Variants in TPRG1 observed in about 807,000 individuals in gnomAD.
TPRG1 encodes the protein tumor protein p63 regulated 1, also known as tumor protein p63-regulated gene 1 protein.
Under a neutral mutation model 29.3 loss-of-function variants are expected in TPRG1, and 29 were observed. The observed-to-expected ratio is 0.99, with a 90% confidence interval of 0.74 to 1.35. The LOEUF is 1.35. Ranked by LOEUF, TPRG1 falls within the 40% of genes most tolerant of loss-of-function variation. TPRG1 has a pLI of 0.00. For missense variants in TPRG1, 327 were observed against 335.0 expected, an observed-to-expected ratio of 0.98 and a Z score of 0.19; for synonymous variants, 130 against 116.8, an observed-to-expected ratio of 1.11 and a Z score of -0.73.
intron 4 of TPRG1, among the ~76,000 whole-genome samples, chr3:189,025,956 G>GT (rs1181955272): frequency 6.6e-6 from 1 of 152,118 alleles, no homozygotes; most frequent in Non-Finnish European, 1.5e-5. Context: ...ACTTTTTTCA[G>GT]TTTTTTAAAA....
At chr3:189,078,905 G>A (rs1717399796) in intron 4 of TPRG1, among the ~76,000 whole-genome samples, 1 of 152,156 alleles carries the variant, frequency 6.6e-6, no homozygotes, top group Admixed American at 6.5e-5. Flanking sequence ...TTTGGCATGG[G>A]TAGGTCACCA....
chr3:188,998,782 G>A (rs1357853976), intron 1 of TPRG1, among the ~76,000 whole-genome samples: 1 of 152,168 alleles, frequency 6.6e-6, no homozygotes, highest in Non-Finnish European at 1.5e-5. Flanking sequence ...TCTTATAGAA[G>A]TAGAGAGTGG....
rs11916138 is a variant in TPRG1, at chr3:189,279,033, C to T, written c.480-31353C>T. ...TGGTGGAGGTAGGCAAACTTTTTCTCTAAAGGACTAGATAGTAAATATCGT... is the reference window on the plus strand; with the variant it reads ...TGGTGGAGGTAGGCAAACTTTTTCTTTAAAGGACTAGATAGTAAATATCGT... On this transcript the variant is annotated intron_variant, in intron 4 of 5. Transcript: ENST00000345063. 3.4e-3 allele frequency among the ~76,000 whole-genome samples: 516 copies of T among 152,258 alleles called. 3 individuals carry two copies. Among genetic ancestry groups the T allele is most frequent in the African/African-American group, 0.012 (498 of 41,542 alleles).
At chr3:189,270,955 C>T (rs1715022902) in intron 4 of TPRG1, among the ~76,000 whole-genome samples, 1 of 152,132 alleles carries the variant, frequency 6.6e-6, no homozygotes, top group African/African-American at 2.4e-5. Flanking sequence ...TTTTTATGCT[C>T]ATGATACGTT....
chr3:189,286,405 G>T (rs1327988868), intron 4 of TPRG1, among the ~76,000 whole-genome samples: 5 of 152,082 alleles, frequency 3.3e-5, no homozygotes, highest in Non-Finnish European at 7.4e-5. Context: ...ATTTGGTTTT[G>T]TTCACTGATG....
Position 189,147,162 on chromosome 3 carries a change from A to G in TPRG1, c.-290-422A>G, listed in dbSNP as rs146544126. 2.9e-3 allele frequency among the ~76,000 whole-genome samples: 440 copies of G among 152,356 alleles called. 2 individuals carry two copies. The highest frequency in any genetic ancestry group is 9.2e-3 in the African/African-American group (384 of 41,576). ...AACCACTACACTATCTACAGAAGGA[A>G]GAGGAGGGAAGAGTTATCCAGTGAT... On this transcript the variant is annotated intron_variant, in intron 3 of 6. Transcript: ENST00000412373.
intron 3 of TPRG1, among the ~76,000 whole-genome samples, chr3:189,144,646 A>G (rs1725008247): frequency 6.6e-6 from 1 of 152,204 alleles, no homozygotes; most frequent in African/African-American, 2.4e-5. Flanking sequence ...TGAGTTTCCT[A>G]CTGGTTTTTG....
At chr3:189,080,625 G>A (rs1270401005) in intron 4 of TPRG1, among the ~76,000 whole-genome samples, 1 of 152,002 alleles carries the variant, frequency 6.6e-6, no homozygotes, top group Non-Finnish European at 1.5e-5. Context: ...AAGAAAGGTG[G>A]GCATGGGCTA....
intron 2 of TPRG1, among the ~76,000 whole-genome samples, chr3:189,214,957 A>G (rs2108836488): frequency 6.6e-6 from 1 of 151,404 alleles, no homozygotes; most frequent in African/African-American, 2.4e-5. Context: ...AAAAAGGTTT[A>G]ATTTAAAAAT....
intron 4 of TPRG1, among the ~76,000 whole-genome samples, chr3:189,271,194 A>G (rs1391542219): frequency 6.6e-6 from 1 of 152,196 alleles, no homozygotes. Context: ...TTCTACTGTA[A>G]CACAGTGCCT....
rs554828947 is a variant in TPRG1, at chr3:189,090,483, C to T, written c.-462-36574C>T. On this transcript the variant is annotated intron_variant, in intron 4 of 10. Transcript: ENST00000433971. ...TTTGCTTTTGATCTACTTAGGATGA[C>T]GATTATTGAGAAAGATATATTAAGA... 9.5e-4 allele frequency among the ~76,000 whole-genome samples: 144 copies of T among 151,918 alleles called. 1 individual carries two copies. The South Asian group carries it at 0.018, about 19-fold the overall frequency.
intron 4 of TPRG1, among the ~76,000 whole-genome samples, chr3:189,057,500 CTT>C (rs67560129): frequency 1.8e-4 from 24 of 134,196 alleles, no homozygotes; most frequent in Admixed American, 3.0e-4. Flanking sequence ...GCCCTGATTG[CTT>C]TTTTTTTTTT....
chr3:189,266,474 C>A (rs546787409), intron 4 of TPRG1, among the ~76,000 whole-genome samples: 1 of 152,074 alleles, frequency 6.6e-6, no homozygotes. Flanking sequence ...GACAAACTAA[C>A]GGAGAGCTGG....
intron 5 of TPRG1, among the ~76,000 whole-genome samples, chr3:189,318,303 G>T (rs1723875025): frequency 6.6e-6 from 1 of 152,252 alleles, no homozygotes; most frequent in Non-Finnish European, 1.5e-5. Context: ...AGCCACATTT[G>T]TGACTCTACT....
intron 4 of TPRG1, among the ~76,000 whole-genome samples, chr3:189,239,653 T>C (rs910432984): frequency 6.6e-6 from 1 of 152,162 alleles, no homozygotes; most frequent in African/African-American, 2.4e-5. Context: ...GGGAAGAACA[T>C]TCCAAAGCGG....
At chr3:189,089,274 A>AT (rs1185796422) in intron 4 of TPRG1, among the ~76,000 whole-genome samples, 1 of 152,092 alleles carries the variant, frequency 6.6e-6, no homozygotes, top group African/African-American at 2.4e-5. Flanking sequence ...TACTCTGATT[A>AT]TTTTTTCAAT....
At chr3:188,997,985 C>T (rs1711885239) in intron 1 of TPRG1, among the ~76,000 whole-genome samples, 1 of 147,256 alleles carries the variant, frequency 6.8e-6, no homozygotes, top group African/African-American at 2.7e-5. Flanking sequence ...AAAAAATTCA[C>T]ATTCATTCAT....
At chr3:189,096,718 T>G (rs566824259), upstream of TPRG1, among the ~76,000 whole-genome samples, 33 of 152,362 alleles carry the variant, frequency 2.2e-4, no homozygotes, top group Non-Finnish European at 4.4e-4. Flanking sequence ...GAAAGTGGTG[T>G]TGTTTTACAT....
chr3:189,314,986 A>G (rs190608347), intron 5 of TPRG1, among the ~76,000 whole-genome samples: 2 of 152,160 alleles, frequency 1.3e-5, no homozygotes, highest in African/African-American at 4.8e-5. Flanking sequence ...TTAATGAGAC[A>G]TGGTGGCATG....
Sources: gnomAD v4.1 joint callset for allele counts (sites outside exome capture counted in the v4.1 genomes callset) on GRCh38, gnomAD v4.1.1 for gene constraint, MANE v1.5 for transcripts, NCBI Gene and HGNC (gene_info 2026-07-23, HGNC 2026-07-21) for gene names.